AGBL4: variants seen among roughly 807,000 people sequenced by gnomAD.
AGBL4 encodes cytosolic carboxypeptidase 6.
A neutral mutation model predicts 66.4 loss-of-function variants in AGBL4; 58 were observed. The observed-to-expected ratio is 0.87, with a 90% CI of 0.71 to 1.09. The LOEUF (loss-of-function observed/expected upper bound fraction) is 1.09. Among genes scored for constraint, AGBL4 ranks in the 50% least tolerant of loss-of-function variants. The pLI is 0.00. For synonymous variants in AGBL4, 234 were observed against 222.9 expected, an observed-to-expected ratio of 1.05 and a Z score of -0.44; for missense variants, 579 against 631.0, an observed-to-expected ratio of 0.92 and a Z score of 0.88.
At position 48,846,123 on chromosome 1, in the gene AGBL4, A is replaced by G. The variant is rs570361131; in HGVS notation, c.634+21068T>C. 6.6e-5 allele frequency among the ~76,000 whole-genome samples: 10 copies of G among 152,254 alleles called. No homozygotes were observed. In the South Asian group the frequency reaches 8.3e-4, roughly 13 times the overall value. ...GTGTGAGAGCCACAACCTGGGAGCT[A>G]TCATCAGAGAGAATTCAGGCCCAAA... is the stretch of plus-strand genomic sequence containing the variant. On this transcript the variant is annotated intron_variant, in intron 6 of 13. Coordinates refer to ENST00000371839, the MANE Select transcript of AGBL4 (RefSeq NM_032785.4).
chr1:49,929,116 G>T (rs1253537841), intron 1 of AGBL4, among the ~76,000 whole-genome samples: 1 of 152,018 alleles, frequency 6.6e-6, no homozygotes, highest in South Asian at 2.1e-4. Flanking sequence ...GCTAAGCATT[G>T]GGTACACATG....
intron 1 of AGBL4, among the ~76,000 whole-genome samples, chr1:49,963,833 A>G (rs1239630023): frequency 1.3e-5 from 2 of 152,274 alleles, no homozygotes; most frequent in East Asian, 1.9e-4. Context: ...CTAGGTAAAA[A>G]GAACCATGAT....
intron 5 of AGBL4, among the ~76,000 whole-genome samples, chr1:48,994,665 C>T (rs1660863512): frequency 6.6e-6 from 1 of 152,030 alleles, no homozygotes; most frequent in South Asian, 2.1e-4. Context: ...ATACCAGAAA[C>T]AGTAGTATAT....
intron 5 of AGBL4, among the ~76,000 whole-genome samples, chr1:49,021,617 A>G (rs1029024783): frequency 2.0e-5 from 3 of 152,208 alleles, no homozygotes; most frequent in Non-Finnish European, 2.9e-5. Context: ...TCAGACTTCC[A>G]GCCTCTTGAA....
At chr1:49,128,673 T>G (rs1345601778) in intron 4 of AGBL4, among the ~76,000 whole-genome samples, 1 of 151,918 alleles carries the variant, frequency 6.6e-6, no homozygotes, top group Non-Finnish European at 1.5e-5. Context: ...ATGGAAAAAA[T>G]AAACCTGGAC....
At chr1:48,536,555 G>T (rs372240456) in intron 12 of AGBL4, among the ~76,000 whole-genome samples, 2 of 152,190 alleles carry the variant, frequency 1.3e-5, no homozygotes, top group African/African-American at 4.8e-5. Context: ...CACACAATGG[G>T]CAGGGGCTAT....
intron 3 of AGBL4, among the ~76,000 whole-genome samples, chr1:49,495,474 C>G (rs1350193711): frequency 6.6e-6 from 1 of 151,708 alleles, no homozygotes; most frequent in East Asian, 1.9e-4. Flanking sequence ...ACAGCCCTGT[C>G]TTAAAGCATG....
chr1:49,228,557 C>A (rs1650078908), intron 4 of AGBL4, among the ~76,000 whole-genome samples: 1 of 152,130 alleles, frequency 6.6e-6, no homozygotes, highest in South Asian at 2.1e-4. Flanking sequence ...AAGGGAATAG[C>A]CAGTGCAAAG....
rs191084717 is a variant in AGBL4 at position 49,601,483 on chromosome 1, T to C, written c.282+95830A>G. On this transcript the variant is annotated intron_variant, in intron 3 of 13. Coordinates refer to ENST00000371839, the MANE Select transcript of AGBL4 (RefSeq NM_032785.4). ...CAAGGCTACAGTAACCCAAACAGCA[T>C]GGTCCTGGTACCAAATCAGATATAT... 2.9e-3 allele frequency among the ~76,000 whole-genome samples: 435 copies of C among 152,260 alleles called. 2 individuals carry two copies. Among genetic ancestry groups the C allele is most frequent in the South Asian group, 0.014 (68 of 4,828 alleles).
chr1:49,809,938 C>G (rs1359660204), intron 2 of AGBL4, among the ~76,000 whole-genome samples: 1 of 152,164 alleles, frequency 6.6e-6, no homozygotes. Context: ...GATTAGCTAT[C>G]TCCAATAATA....
chr1:48,742,528 T>G, intron 6 of AGBL4: 1 of 1,275,428 alleles, frequency 7.8e-7, no homozygotes. Flanking sequence ...GGCCAACCAG[T>G]CAAGCTGCGA....
chr1:49,121,390 T>G (rs1324646306), intron 4 of AGBL4, among the ~76,000 whole-genome samples: 1 of 152,180 alleles, frequency 6.6e-6, no homozygotes, highest in Non-Finnish European at 1.5e-5. Context: ...AGATGAGGTT[T>G]TGTTGTAGAT....
At chr1:48,970,093 T>C (rs1253859918) in intron 5 of AGBL4, among the ~76,000 whole-genome samples, 2 of 152,286 alleles carry the variant, frequency 1.3e-5, no homozygotes, top group East Asian at 3.9e-4. Context: ...AGCCAGGTAG[T>C]GTGACTCCAT....
intron 1 of AGBL4, among the ~76,000 whole-genome samples, chr1:49,934,990 T>G (rs1653795005): frequency 1.3e-5 from 2 of 152,186 alleles, no homozygotes; most frequent in South Asian, 4.1e-4. Context: ...CACAGGACAG[T>G]GGGTGCAGCG....
chr1:48,788,732 G>C (rs779378960), intron 6 of AGBL4, among the ~76,000 whole-genome samples: 11 of 152,146 alleles, frequency 7.2e-5, no homozygotes, highest in Non-Finnish European at 1.3e-4. Flanking sequence ...ATGTAGGCAA[G>C]ATTCTTAACT....
At chr1:49,577,024 A>G (rs1164448410) in intron 3 of AGBL4, among the ~76,000 whole-genome samples, 1 of 152,214 alleles carries the variant, frequency 6.6e-6, no homozygotes, top group Non-Finnish European at 1.5e-5. Context: ...GTGATTATAT[A>G]CTGATTCAAG....
intron 4 of AGBL4, among the ~76,000 whole-genome samples, chr1:49,214,817 C>G (rs533606430): frequency 1.3e-5 from 2 of 152,000 alleles, no homozygotes; most frequent in African/African-American, 4.8e-5. Flanking sequence ...GAGATTGAAG[C>G]GGTGGGTAAG....
intron 5 of AGBL4, among the ~76,000 whole-genome samples, chr1:49,028,404 G>C (rs12057802): frequency 0.1 from 15,568 of 152,158 alleles, 1,272 homozygotes; most frequent in African/African-American, 0.22. Context: ...AATAGAGGAA[G>C]ACCAGCCCAG....
At chr1:49,446,974 CACAG>C (rs1209081661) in intron 3 of AGBL4, among the ~76,000 whole-genome samples, 3 of 152,094 alleles carry the variant, frequency 2.0e-5, no homozygotes, top group South Asian at 2.1e-4. Context: ...CATCCCTGGG[CACAG>C]ACAGAGGCCA....
Sources: allele counts gnomAD v4.1 joint callset (sites outside exome capture counted in the v4.1 genomes callset), GRCh38; gene constraint gnomAD v4.1.1; transcripts MANE v1.5; gene names NCBI Gene and HGNC (gene_info 2026-07-23, HGNC 2026-07-21).